Variants in ZSWIM5 observed in about 807,000 individuals in gnomAD.
ZSWIM5 encodes the protein zinc finger SWIM domain-containing protein 5.
ZSWIM5 carries 55 observed loss-of-function variants against 119.6 expected under a neutral mutation model. The observed-to-expected ratio is 0.46, with a 90% CI of 0.37 to 0.58. The LOEUF is 0.58. Ranked by LOEUF, ZSWIM5 falls within the 20% of genes least tolerant of loss-of-function variation. ZSWIM5 has a pLI of 0.00. For missense variants in ZSWIM5, 1,193 were observed against 1,512.8 expected (o/e 0.79, Z 3.51); for synonymous variants, 537 against 606.9 (o/e 0.88, Z 1.69).
chr1:45,071,454 C>CTTTTTTTTTTTTTTT (rs58028758), intron 2 of ZSWIM5, among the ~76,000 whole-genome samples: 2 of 93,752 alleles, frequency 2.1e-5, no homozygotes, highest in African/African-American at 4.2e-5. Flanking sequence ...GACAGAATCT[C>CTTTTTTTTTTTTTTT]TTTTTTTTTT....
chr1:45,049,029 G>C (rs899241179), intron 5 of ZSWIM5, among the ~76,000 whole-genome samples: 3 of 152,172 alleles, frequency 2.0e-5, no homozygotes, highest in African/African-American at 7.2e-5. Context: ...TACTCGGGAG[G>C]CTGAGATGGG....
Position 45,016,480 on chromosome 1 carries a change from G to A in ZSWIM5, c.*1974C>T, listed in dbSNP as rs1644854319. 1 of 152,166 alleles carries A rather than the reference G, an allele frequency of 6.6e-6. No homozygotes were observed. 9.4% of individuals were successfully genotyped at this position (152,166 alleles called of 1,614,324 possible). ...GTGAATTCACACACTTGCTAAAAAA[G>A]GGCAACTGTGATACAGAAATGAGAG... On this transcript the variant is annotated 3_prime_UTR_variant, in exon 14 of 14. Transcript: ENST00000359600.
intron 1 of ZSWIM5, among the ~76,000 whole-genome samples, chr1:45,188,609 A>G (rs975187216): frequency 1.3e-5 from 2 of 152,208 alleles, no homozygotes; most frequent in Non-Finnish European, 2.9e-5. Flanking sequence ...ATATCTCACT[A>G]AAGATATTAG....
At position 45,196,710 on chromosome 1, in the gene ZSWIM5, T is replaced by TTA. The variant is rs1297922043; in HGVS notation, c.595+9044_595+9045dup. 2.0e-5 allele frequency among the ~76,000 whole-genome samples: 3 copies of TTA among 152,192 alleles called. No homozygotes were observed. In the East Asian group the frequency reaches 5.8e-4, roughly 29 times the overall value. On this transcript the variant is annotated intron_variant, in intron 1 of 13. Coordinates refer to ENST00000359600, the MANE Select transcript of ZSWIM5 (RefSeq NM_020883.2). ...CGGCTGAAGCCCACAATTCTTTTCTTTAAAATCAAATTTTTGAGGTACAAT... is the reference window on the plus strand; with the variant it reads ...CGGCTGAAGCCCACAATTCTTTTCTTTATAAAATCAAATTTTTGAGGTACAAT...
intron 1 of ZSWIM5, among the ~76,000 whole-genome samples, chr1:45,120,200 T>C (rs1645582750): frequency 1.3e-5 from 2 of 152,004 alleles, no homozygotes; most frequent in East Asian, 3.9e-4. Flanking sequence ...AAAAATTAAC[T>C]GGGCGTGGTG....
intron 1 of ZSWIM5, among the ~76,000 whole-genome samples, chr1:45,163,411 C>T (rs1434481599): frequency 6.6e-6 from 1 of 152,170 alleles, no homozygotes; most frequent in Non-Finnish European, 1.5e-5. Context: ...AATCAGAGTG[C>T]CTCTTCTCCT....
chr1:45,122,641 T>A (rs1645599705), intron 1 of ZSWIM5, among the ~76,000 whole-genome samples: 1 of 151,978 alleles, frequency 6.6e-6, no homozygotes, highest in Non-Finnish European at 1.5e-5. Flanking sequence ...GAGTTGGAGG[T>A]GTGAATAAGC....
chr1:45,129,047 A>G (rs1374178027), intron 1 of ZSWIM5, among the ~76,000 whole-genome samples: 1 of 151,932 alleles, frequency 6.6e-6, no homozygotes, highest in East Asian at 1.9e-4. Flanking sequence ...TGACAACTTG[A>G]TAATATTGAG....
chr1:45,077,552 G>A (rs984292589), intron 2 of ZSWIM5, among the ~76,000 whole-genome samples: 3 of 152,326 alleles, frequency 2.0e-5, no homozygotes, highest in East Asian at 1.9e-4. Flanking sequence ...GGACTGAGGC[G>A]AAATTAAAAT....
rs938802568 is a variant in ZSWIM5, at chr1:45,036,754, TG to T, written c.1895-456del. 3.8e-4 allele frequency among the ~76,000 whole-genome samples: 58 copies of T among 152,168 alleles called. 1 individual carries two copies. Among genetic ancestry groups the T allele is most frequent in the South Asian group, 1.2e-3 (6 of 4,820 alleles). The stretch of plus-strand genomic sequence containing the variant: ...CCCCAGAATAGTAAGGAAAATATAC[TG>T]AAAAAAAGGTTACACAGAGCCACAA... On this transcript the variant is annotated intron_variant, in intron 8 of 13. Transcript: ENST00000359600.
At chr1:45,123,103 T>A (rs80222545) in intron 1 of ZSWIM5, among the ~76,000 whole-genome samples, 3,138 of 152,280 alleles carry the variant, frequency 0.021, 116 homozygotes, top group African/African-American at 0.072. Context: ...ATAATGAGGC[T>A]GCTCCCTTCC....
chr1:45,115,220 C>A (rs1339287286), intron 1 of ZSWIM5, among the ~76,000 whole-genome samples: 1 of 150,458 alleles, frequency 6.6e-6, no homozygotes, highest in African/African-American at 2.4e-5. Context: ...GATGGGGCAG[C>A]CAGGCAGAGG....
chr1:45,136,790 T>C (rs1036569739), intron 1 of ZSWIM5, among the ~76,000 whole-genome samples: 5 of 152,174 alleles, frequency 3.3e-5, no homozygotes, highest in African/African-American at 1.2e-4. Flanking sequence ...TAGTCTATTT[T>C]TGGCTCACCC....
intron 1 of ZSWIM5, among the ~76,000 whole-genome samples, chr1:45,202,855 C>T (rs1263772500): frequency 1.3e-5 from 2 of 151,932 alleles, no homozygotes; most frequent in Non-Finnish European, 2.9e-5. Context: ...ATGTTAAAAC[C>T]GTTAGTAAAT....
chr1:45,131,674 A>C (rs1054803815), intron 1 of ZSWIM5, among the ~76,000 whole-genome samples: 5 of 150,592 alleles, frequency 3.3e-5, no homozygotes, highest in Non-Finnish European at 5.9e-5. Context: ...GCAGTGAGCC[A>C]AGACTGGGCC....
At chr1:45,126,445 A>C (rs2149029134) in intron 1 of ZSWIM5, among the ~76,000 whole-genome samples, 1 of 152,308 alleles carries the variant, frequency 6.6e-6, no homozygotes, top group East Asian at 1.9e-4. Flanking sequence ...AAGAAAAAAA[A>C]CCAATTCCTT....
intron 1 of ZSWIM5, among the ~76,000 whole-genome samples, chr1:45,109,041 G>A (rs998319476): frequency 3.3e-5 from 5 of 152,138 alleles, no homozygotes; most frequent in East Asian, 1.9e-4. Context: ...GGTCAAGGCC[G>A]TATATCACCC....
intron 1 of ZSWIM5, among the ~76,000 whole-genome samples, chr1:45,178,821 T>C (rs1385936305): frequency 6.6e-6 from 1 of 152,098 alleles, no homozygotes. Flanking sequence ...TCTATCAGTG[T>C]GGAAAACTAA....
intron 1 of ZSWIM5, among the ~76,000 whole-genome samples, chr1:45,139,948 T>C (rs565428412): frequency 6.7e-4 from 102 of 152,282 alleles, no homozygotes; most frequent in Non-Finnish European, 1.1e-3. Flanking sequence ...GCAATGTAGA[T>C]AAATTCAAAT....
Sources: gnomAD v4.1 joint callset for allele counts (sites outside exome capture counted in the v4.1 genomes callset) on GRCh38, gnomAD v4.1.1 for gene constraint, MANE v1.5 for transcripts, NCBI Gene and HGNC (gene_info 2026-07-23, HGNC 2026-07-21) for gene names.